The following SSH2 variants were observed in gnomAD, a reference collection of about 807,000 sequenced individuals.
The protein encoded by SSH2 is protein phosphatase Slingshot homolog 2.
Under a neutral mutation model 135.2 loss-of-function variants are expected in SSH2, and 37 were observed. The observed-to-expected ratio is 0.27, with a 90% CI of 0.21 to 0.36. SSH2 has a LOEUF of 0.36. SSH2 is among the 10% of genes least tolerant of loss of function. SSH2 has a pLI of 1.00. For missense variants in SSH2, 1,408 were observed against 1,765.3 expected (o/e 0.80, Z 3.63); for synonymous variants, 628 against 646.2 (o/e 0.97, Z 0.43).
chr17:29,659,452 C>A (rs750239861), intron 11 of SSH2, among the ~76,000 whole-genome samples: 2 of 152,194 alleles, frequency 1.3e-5, no homozygotes, highest in Non-Finnish European at 2.9e-5. Context: ...TAAAAGTGAG[C>A]AACTTTTCAT....
intron 1 of SSH2, among the ~76,000 whole-genome samples, chr17:29,912,893 T>C (rs576138387): frequency 6.6e-6 from 1 of 152,214 alleles, no homozygotes; most frequent in South Asian, 2.1e-4. Context: ...TTACCACAGA[T>C]CCTATTTGGC....
chr17:29,745,937 G>A (rs1443879987), intron 3 of SSH2, among the ~76,000 whole-genome samples: 2 of 152,108 alleles, frequency 1.3e-5, no homozygotes, highest in African/African-American at 4.8e-5. Context: ...TTACTGTTAG[G>A]TACAATAACA....
chr17:29,830,642 G>A (rs193122115), intron 2 of SSH2, among the ~76,000 whole-genome samples: 2 of 152,294 alleles, frequency 1.3e-5, no homozygotes, highest in Admixed American at 1.3e-4. Context: ...CTAGCACATA[G>A]GAGGTACTCA....
chr17:29,637,931 T>C (rs556879917), intron 14 of SSH2, among the ~76,000 whole-genome samples: 1 of 152,140 alleles, frequency 6.6e-6, no homozygotes, highest in African/African-American at 2.4e-5. Flanking sequence ...CTGGCCAACA[T>C]GGTGAAACCC....
chr17:29,864,708 T>C (rs940271287), intron 1 of SSH2, among the ~76,000 whole-genome samples: 4 of 152,144 alleles, frequency 2.6e-5, no homozygotes, highest in African/African-American at 4.8e-5. Context: ...TTTTTTGTTT[T>C]TGAATTTTTT....
At chr17:29,785,922 A>G (rs958041798) in intron 3 of SSH2, among the ~76,000 whole-genome samples, 69 of 149,130 alleles carry the variant, frequency 4.6e-4, no homozygotes, top group Non-Finnish European at 9.2e-4. Flanking sequence ...CTCCTGCCTC[A>G]GCCTCCCCAG....
chr17:29,671,803 G>C (rs913269455), intron 9 of SSH2, 132 bp downstream of exon 9: 12 of 751,462 alleles, frequency 1.6e-5, no homozygotes, highest in African/African-American at 1.6e-4. Flanking sequence ...GCAGACACGT[G>C]CTATTCACAA....
At chr17:29,858,017 T>C (rs781175913) in intron 1 of SSH2, among the ~76,000 whole-genome samples, 2 of 152,230 alleles carry the variant, frequency 1.3e-5, no homozygotes, top group Non-Finnish European at 2.9e-5. Flanking sequence ...TTACTTAGCA[T>C]AAGGTCCTCA....
chr17:29,928,775 C>A (rs2067117010), intron 1 of SSH2, among the ~76,000 whole-genome samples: 1 of 151,182 alleles, frequency 6.6e-6, no homozygotes, highest in Non-Finnish European at 1.5e-5. Context: ...AAAGCTCACA[C>A]CTCAGTTAAC....
intron 5 of SSH2, among the ~76,000 whole-genome samples, chr17:29,688,285 A>G (rs2038312978): frequency 6.6e-6 from 1 of 152,060 alleles, no homozygotes; most frequent in African/African-American, 2.4e-5. Context: ...CTGGGATTAC[A>G]GGTGCGAGCC....
intron 1 of SSH2, among the ~76,000 whole-genome samples, chr17:29,883,772 G>T (rs914844084): frequency 6.6e-6 from 1 of 152,014 alleles, no homozygotes; most frequent in Non-Finnish European, 1.5e-5. Flanking sequence ...ATTATCTCCT[G>T]TCTCACTTTT....
chr17:29,653,366 A>G (rs118136086), intron 12 of SSH2, among the ~76,000 whole-genome samples: 2,294 of 152,274 alleles, frequency 0.015, 35 homozygotes, highest in Non-Finnish European at 0.023. Flanking sequence ...GCTATCTGGG[A>G]ATTTGACCAT....
At chr17:29,911,708 G>A (rs1012869539) in intron 1 of SSH2, among the ~76,000 whole-genome samples, 1 of 152,118 alleles carries the variant, frequency 6.6e-6, no homozygotes, top group Non-Finnish European at 1.5e-5. Flanking sequence ...TCTATACCAG[G>A]ACTTAAACTC....
At chr17:29,792,778 G>A (rs1209808034) in intron 3 of SSH2, among the ~76,000 whole-genome samples, 1 of 152,148 alleles carries the variant, frequency 6.6e-6, no homozygotes, top group East Asian at 1.9e-4. Context: ...CCGTGTTCAC[G>A]CCATTCTCCT....
chr17:29,708,613 A>C (rs977567441), intron 3 of SSH2, among the ~76,000 whole-genome samples: 1 of 151,156 alleles, frequency 6.6e-6, no homozygotes, highest in Non-Finnish European at 1.5e-5. Context: ...AAAAACAAAC[A>C]AAAAAACCGG....
At chr17:29,799,687 T>G (rs920812607) in intron 2 of SSH2, among the ~76,000 whole-genome samples, 1 of 151,150 alleles carries the variant, frequency 6.6e-6, no homozygotes, top group Non-Finnish European at 1.5e-5. Context: ...TGTGGATAAG[T>G]AAAAAGCAAA....
intron 3 of SSH2, among the ~76,000 whole-genome samples, chr17:29,767,255 C>T (rs1260897202): frequency 6.6e-6 from 1 of 152,110 alleles, no homozygotes; most frequent in African/African-American, 2.4e-5. Flanking sequence ...TACAAAAGCC[C>T]CAAACTCTAT....
intron 1 of SSH2, among the ~76,000 whole-genome samples, chr17:29,878,801 T>C (rs1363294477): frequency 6.6e-6 from 1 of 152,214 alleles, no homozygotes; most frequent in Non-Finnish European, 1.5e-5. Flanking sequence ...AATAAGCAAA[T>C]TAATGGTATA....
intron 7 of SSH2, 53 bp downstream of exon 7, chr17:29,677,618 GAT>G (rs1472131957): frequency 6.9e-7 from 1 of 1,450,060 alleles, no homozygotes; most frequent in Non-Finnish European, 9.7e-7. Flanking sequence ...TGTGCAGTAA[GAT>G]GGAGCCCCAC....
Sources: allele counts gnomAD v4.1 joint callset (sites outside exome capture counted in the v4.1 genomes callset), GRCh38; gene constraint gnomAD v4.1.1; transcripts MANE v1.5; gene names NCBI Gene and HGNC (gene_info 2026-07-23, HGNC 2026-07-21).